Variants in FBXL14 observed in about 807,000 individuals in gnomAD.
FBXL14 encodes the protein F-box/LRR-repeat protein 14.
Under a neutral mutation model 24.5 loss-of-function variants are expected in FBXL14, and 11 were observed. The ratio of observed to expected loss-of-function variants is 0.45; its 90% CI spans 0.28 to 0.74. FBXL14 has a LOEUF of 0.74. Among genes scored for constraint, FBXL14 ranks in the 30% least tolerant of loss-of-function variants. The pLI is 0.12. For missense variants in FBXL14, 384 were observed against 545.6 expected, an observed-to-expected ratio of 0.70 and a Z score of 2.95; for synonymous variants, 294 against 240.4, an observed-to-expected ratio of 1.22 and a Z score of -2.06.
intron 1 of FBXL14, among the ~76,000 whole-genome samples, chr12:1,571,200 T>TTTTG (rs980968141): frequency 2.2e-5 from 3 of 137,028 alleles, no homozygotes; most frequent in Non-Finnish European, 5.0e-5. Context: ...GTGGGGTTTT[T>TTTTG]TTTGTTTGTT....
At chr12:1,577,311 G>A (rs1405445775) in intron 1 of FBXL14, among the ~76,000 whole-genome samples, 2 of 152,124 alleles carry the variant, frequency 1.3e-5, no homozygotes, top group Non-Finnish European at 2.9e-5. Context: ...TGGAGTTGGG[G>A]CCAAAGGATG....
intron 1 of FBXL14, among the ~76,000 whole-genome samples, chr12:1,570,798 C>A (rs118085358): frequency 6.6e-6 from 1 of 152,040 alleles, no homozygotes; most frequent in African/African-American, 2.4e-5. Flanking sequence ...CGAGACCAAG[C>A]GGTAGTAATT....
chr12:1,588,208 G>GC (rs1432253109), intron 1 of FBXL14, among the ~76,000 whole-genome samples: 1 of 152,130 alleles, frequency 6.6e-6, no homozygotes, highest in Non-Finnish European at 1.5e-5. Context: ...GTCCCTGGGG[G>GC]CCACTACCCT....
At chr12:1,574,376 C>T (rs1025211084) in intron 1 of FBXL14, among the ~76,000 whole-genome samples, 13 of 150,568 alleles carry the variant, frequency 8.6e-5, no homozygotes, top group African/African-American at 1.2e-4. Flanking sequence ...CTGGTGGCAG[C>T]GGTGTGGATG....
At chr12:1,575,305 G>A (rs1446727845) in intron 1 of FBXL14, among the ~76,000 whole-genome samples, 2 of 152,210 alleles carry the variant, frequency 1.3e-5, no homozygotes, top group Admixed American at 6.5e-5. Context: ...GAAAGTATTT[G>A]TGTCTGTCTA....
Position 1,589,910 on chromosome 12 carries a change from C to A in FBXL14, c.1194+2963G>T, listed in dbSNP as rs184680988. ...AAAGGAGACAAAACAGAAGAACGTG[C>A]TTCACGTTACAGGTGGTAGGAATAT... On this transcript the variant is annotated intron_variant, in intron 1 of 1. Transcript: ENST00000339235. Among the ~76,000 whole-genome samples the A allele has an allele frequency of 4.9e-4, 75 of 152,320 alleles. 1 individual carries two copies. The highest frequency in any genetic ancestry group is 1.8e-3 in the African/African-American group (73 of 41,574).
chr12:1,583,456 C>T (rs1416923753), intron 1 of FBXL14, among the ~76,000 whole-genome samples: 7 of 152,068 alleles, frequency 4.6e-5, no homozygotes, highest in Non-Finnish European at 1.0e-4. Flanking sequence ...AAAATAACAC[C>T]TGGCTCTGGG....
chr12:1,570,282 G>A (rs2094443176), intron 1 of FBXL14, among the ~76,000 whole-genome samples: 3 of 152,220 alleles, frequency 2.0e-5, no homozygotes, highest in African/African-American at 4.8e-5. Context: ...GGTGATGGAC[G>A]TGGCCACTGG....
At chr12:1,590,496 C>CA (rs2094486987) in intron 1 of FBXL14, among the ~76,000 whole-genome samples, 1 of 152,094 alleles carries the variant, frequency 6.6e-6, no homozygotes, top group African/African-American at 2.4e-5. Flanking sequence ...TGAACCACTC[C>CA]CCTGTTGGAG....
At chr12:1,573,983 C>A (rs1273456223) in intron 1 of FBXL14, among the ~76,000 whole-genome samples, 2 of 143,518 alleles carry the variant, frequency 1.4e-5, no homozygotes, top group Admixed American at 7.1e-5. Flanking sequence ...CCAGCCTGGG[C>A]AACAAGAGCG....
chr12:1,591,949 T>C (rs1412497114), intron 1 of FBXL14, among the ~76,000 whole-genome samples: 1 of 152,010 alleles, frequency 6.6e-6, no homozygotes, highest in Non-Finnish European at 1.5e-5. Context: ...AATTAAGATT[T>C]AGAAATAGGT....
chr12:1,566,612 G>T lies in FBXL14; in HGVS notation c.*136C>A, dbSNP rs930380055. On this transcript the variant is annotated 3_prime_UTR_variant, in exon 2 of 2. Coordinates refer to ENST00000339235, the MANE Select transcript of FBXL14 (RefSeq NM_152441.3). ...AGCTTCACAAGGTACCGGAGCAGAA[G>T]CCCTGGGCAGCAGCCTCTGCCCGAG... is the stretch of plus-strand genomic sequence containing the variant. 1.8e-4 allele frequency: 124 copies of T among 696,812 alleles called. No homozygotes were observed. In the African/African-American group the frequency reaches 2.1e-3, roughly 12 times the overall value. 43.2% of individuals were successfully genotyped at this position (696,812 alleles called of 1,614,324 possible).
At chr12:1,594,792 G>T (rs1020375928), upstream of FBXL14, among the ~76,000 whole-genome samples, 1 of 150,642 alleles carries the variant, frequency 6.6e-6, no homozygotes, top group African/African-American at 2.4e-5. Flanking sequence ...GTTTGGTAGC[G>T]CCCGGGCCGG....
Position 1,567,762 on chromosome 12 carries a change from C to T in FBXL14, c.1195-952G>A, listed in dbSNP as rs1398586578. On this transcript the variant is annotated intron_variant, in intron 1 of 1. Coordinates refer to ENST00000339235, the MANE Select transcript of FBXL14 (RefSeq NM_152441.3). The surrounding 1 kb of genome is among the most constrained non-coding windows in gnomAD (Gnocchi z 4.8). ...GCACGGTGACGGAAATGAAGAATGC[C>T]GCTGATGGGCTTTGATGGATTTGTG... is the stretch of plus-strand genomic sequence containing the variant. Among the ~76,000 whole-genome samples the T allele has an allele frequency of 2.6e-5, 4 of 152,190 alleles. No homozygotes were observed. The highest frequency in any genetic ancestry group is 7.2e-5 in the African/African-American group (3 of 41,434).
At chr12:1,592,295 G>A (rs2094492266) in intron 1 of FBXL14, among the ~76,000 whole-genome samples, 1 of 150,852 alleles carries the variant, frequency 6.6e-6, no homozygotes, top group African/African-American at 2.4e-5. Flanking sequence ...TTTTTAAACA[G>A]GAAAGAAGAT....
At chr12:1,572,867 G>A (rs1231244998) in intron 1 of FBXL14, among the ~76,000 whole-genome samples, 1 of 152,024 alleles carries the variant, frequency 6.6e-6, no homozygotes, top group Non-Finnish European at 1.5e-5. Flanking sequence ...GGATGGAGAG[G>A]AAATAATGCG....
chr12:1,594,490 C>T lies in FBXL14; in HGVS notation c.-424G>A, dbSNP rs2094497610. 6.8e-6 allele frequency among the ~76,000 whole-genome samples: 1 copy of T among 147,076 alleles called. No homozygotes were observed. Among genetic ancestry groups the T allele is most frequent in the African/African-American group, 2.4e-5 (1 of 40,934 alleles). On this transcript the variant is annotated 5_prime_UTR_variant, in exon 1 of 2. Coordinates refer to ENST00000339235, the MANE Select transcript of FBXL14 (RefSeq NM_152441.3). ...CCTGCCGCCGCCGCTGCTCCGCGGGCCGGCGGGCGGCGAGGGGGCCCCGGG... is the reference window on the plus strand; with the variant it reads ...CCTGCCGCCGCCGCTGCTCCGCGGGTCGGCGGGCGGCGAGGGGGCCCCGGG...
chr12:1,578,237 A>G (rs1225746355), intron 1 of FBXL14, among the ~76,000 whole-genome samples: 1 of 152,222 alleles, frequency 6.6e-6, no homozygotes, highest in Non-Finnish European at 1.5e-5. Flanking sequence ...CACAGTACTA[A>G]CATTTTCAAT....
At chr12:1,573,492 T>C (rs1341194548) in intron 1 of FBXL14, among the ~76,000 whole-genome samples, 2 of 152,012 alleles carry the variant, frequency 1.3e-5, no homozygotes, top group East Asian at 3.9e-4. Context: ...GACTAGGGGG[T>C]CCTTCTAGGG....
Sources: allele counts gnomAD v4.1 joint callset (sites outside exome capture counted in the v4.1 genomes callset), GRCh38; gene constraint gnomAD v4.1.1; non-coding constraint Gnocchi (gnomAD v3.1); transcripts MANE v1.5; gene names NCBI Gene and HGNC (gene_info 2026-07-23, HGNC 2026-07-21).